COL21A1: variants seen among roughly 807,000 people sequenced by gnomAD.
COL21A1 encodes the protein collagen alpha-1(XXI) chain.
A neutral mutation model predicts 137.9 loss-of-function variants in COL21A1; 149 were observed. The ratio of observed to expected loss-of-function variants is 1.08; its 90% confidence interval spans 0.95 to 1.24. The LOEUF is 1.24. Among genes scored for constraint, COL21A1 ranks in the 50% most tolerant of loss-of-function variants. The pLI, the probability that COL21A1 is intolerant of heterozygous loss-of-function variation, is 0.00. For synonymous variants in COL21A1, 456 were observed against 391.5 expected, an observed-to-expected ratio of 1.16 and a Z score of -1.95; for missense variants, 1,167 against 1,158.4, an observed-to-expected ratio of 1.01 and a Z score of -0.11.
chr6:56,325,769 T>TATACATATTTATATAATAATATATATA, intron 1 of COL21A1, among the ~76,000 whole-genome samples: 1 of 6,196 alleles, frequency 1.6e-4, no homozygotes, highest in African/African-American at 4.7e-4. Context: ...TATTATATAT[T>TATACATATTTATATAATAATATATATA]ATATATATTT....
chr6:56,301,119 G>A (rs1764269489), intron 1 of COL21A1, among the ~76,000 whole-genome samples: 1 of 152,140 alleles, frequency 6.6e-6, no homozygotes, highest in South Asian at 2.1e-4. Flanking sequence ...TCCCAAAGAT[G>A]TCCACATCCT....
At chr6:56,117,233 C>T (rs1322630869) in intron 16 of COL21A1, among the ~76,000 whole-genome samples, 1 of 151,640 alleles carries the variant, frequency 6.6e-6, no homozygotes, top group Non-Finnish European at 1.5e-5. Context: ...CACACATAGA[C>T]TAAAAATAAA....
intron 1 of COL21A1, among the ~76,000 whole-genome samples, chr6:56,301,808 C>A (rs1764300128): frequency 6.6e-6 from 1 of 152,024 alleles, no homozygotes; most frequent in Admixed American, 6.6e-5. Context: ...GTGCTGCACC[C>A]AGTAACTCGT....
At chr6:56,062,009 ACT>A (rs768759042) in intron 24 of COL21A1, among the ~76,000 whole-genome samples, 15 of 152,206 alleles carry the variant, frequency 9.9e-5, no homozygotes, top group Non-Finnish European at 1.6e-4. Context: ...AATAATAAAA[ACT>A]CAAATCAGAT....
chr6:56,359,681 T>G (rs11969365), intron 1 of COL21A1, among the ~76,000 whole-genome samples: 18,691 of 152,150 alleles, frequency 0.12, 1,473 homozygotes, highest in African/African-American at 0.22. Context: ...TGCTTAAGAT[T>G]GATATATTAA....
At chr6:56,234,843 C>T (rs1226723367) in intron 1 of COL21A1, among the ~76,000 whole-genome samples, 1 of 151,676 alleles carries the variant, frequency 6.6e-6, no homozygotes, top group Non-Finnish European at 1.5e-5. Flanking sequence ...TTTCTTTTGG[C>T]CTTTTGGTTT....
intron 1 of COL21A1, among the ~76,000 whole-genome samples, chr6:56,206,364 T>G (rs528595869): frequency 6.7e-6 from 1 of 150,190 alleles, no homozygotes; most frequent in East Asian, 1.9e-4. Flanking sequence ...AAACAGACTT[T>G]AAATCAACAA....
chr6:56,389,156 G>A (rs979203615), intron 1 of COL21A1, among the ~76,000 whole-genome samples: 1 of 152,090 alleles, frequency 6.6e-6, no homozygotes, highest in African/African-American at 2.4e-5. Context: ...GAGGTCAGGA[G>A]TTTGAGACCA....
chr6:56,385,186 T>C (rs907872276), intron 1 of COL21A1, among the ~76,000 whole-genome samples: 13 of 152,200 alleles, frequency 8.5e-5, no homozygotes, highest in African/African-American at 4.8e-5. Context: ...TTAGTAGCAA[T>C]GAAGTATCTT....
intron 1 of COL21A1, among the ~76,000 whole-genome samples, chr6:56,256,399 C>G (rs1457036418): frequency 3.9e-5 from 6 of 152,062 alleles, no homozygotes; most frequent in Non-Finnish European, 7.4e-5. Flanking sequence ...TATCTTAATT[C>G]CAGCATTTTC....
At chr6:56,121,519 TATATAC>T (rs1423853154) in intron 16 of COL21A1, among the ~76,000 whole-genome samples, 2 of 142,692 alleles carry the variant, frequency 1.4e-5, no homozygotes, top group Non-Finnish European at 3.0e-5. Flanking sequence ...TGTGTATATA[TATATAC>T]ATATACATAT....
intron 1 of COL21A1, among the ~76,000 whole-genome samples, chr6:56,344,708 C>A (rs1159364946): frequency 9.3e-5 from 14 of 150,626 alleles, no homozygotes; most frequent in African/African-American, 3.4e-4. Flanking sequence ...GTGACTGGGT[C>A]ATGGGGGCAG....
At chr6:56,294,460 G>C (rs542872408) in intron 1 of COL21A1, among the ~76,000 whole-genome samples, 3 of 152,028 alleles carry the variant, frequency 2.0e-5, no homozygotes, top group Admixed American at 6.6e-5. Flanking sequence ...AAACTGATCA[G>C]AATATTGAGA....
At position 56,064,604 on chromosome 6, in the gene COL21A1, C is replaced by T; in HGVS notation, c.2146G>A (p.Gly716Arg). 1.9e-6 allele frequency: 3 copies of T among 1,594,070 alleles called. No homozygotes were observed. Among genetic ancestry groups the T allele is most frequent in the Non-Finnish European group, 2.6e-6 (3 of 1,169,056 alleles). The change falls in exon 24 of 30, where the codon GGA (glycine) becomes AGA (arginine). Residue 716 changes from glycine (G) to arginine (R), a missense_variant. Physicochemically the swap from Gly to Arg is moderately radical, Grantham distance 125. Coordinates refer to ENST00000244728, the MANE Select transcript of COL21A1 (RefSeq NM_030820.4). ...TGTTGCCCTGGAATTCCCTGTCTTC[C>T]ATTTTCTCCCTTTTGACCCTTTAAA... ...KGIQGQKGENGRQGIPGQQGI... is the reference protein window; with the variant it reads ...KGIQGQKGENRRQGIPGQQGI...
chr6:56,258,865 G>A (rs554202906), intron 1 of COL21A1, among the ~76,000 whole-genome samples: 66 of 152,240 alleles, frequency 4.3e-4, no homozygotes, highest in African/African-American at 1.5e-3. Context: ...TGTCCTATGA[G>A]ATATTTCAAG....
intron 1 of COL21A1, among the ~76,000 whole-genome samples, chr6:56,380,270 TG>T (rs199893886): frequency 0.027 from 4,175 of 152,312 alleles, 101 homozygotes; most frequent in Non-Finnish European, 0.038. Context: ...ACTGAGCAGA[TG>T]CTGGCACCAT....
chr6:56,211,074 T>C (rs1363333560), intron 1 of COL21A1, among the ~76,000 whole-genome samples: 1 of 150,358 alleles, frequency 6.7e-6, no homozygotes, highest in Non-Finnish European at 1.5e-5. Flanking sequence ...ATAAGCTTTA[T>C]GTAGAATTCT....
intron 1 of COL21A1, among the ~76,000 whole-genome samples, chr6:56,351,697 G>A (rs1401845188): frequency 1.3e-5 from 2 of 152,348 alleles, no homozygotes; most frequent in Admixed American, 1.3e-4. Flanking sequence ...TGGGTGGCCA[G>A]AGGCAGGCCT....
chr6:56,062,064 G>A (rs1488632555), intron 24 of COL21A1, among the ~76,000 whole-genome samples: 1 of 151,996 alleles, frequency 6.6e-6, no homozygotes, highest in Non-Finnish European at 1.5e-5. Flanking sequence ...TGATTAAGAT[G>A]ACTAGTGTAT....
Sources: allele counts gnomAD v4.1 joint callset (sites outside exome capture counted in the v4.1 genomes callset), GRCh38; gene constraint gnomAD v4.1.1; transcripts MANE v1.5; gene names NCBI Gene and HGNC (gene_info 2026-07-23, HGNC 2026-07-21).